Variants in CDIN1 observed in about 807,000 individuals in gnomAD.
The protein encoded by CDIN1 is CDAN1-interacting nuclease 1.
Under a neutral mutation model 45.3 loss-of-function variants are expected in CDIN1, and 33 were observed. That is an observed-to-expected ratio of 0.73 (90% confidence interval 0.55 to 0.97). CDIN1 has a LOEUF of 0.97. CDIN1 is among the 50% of genes least tolerant of loss of function. The pLI, the probability that CDIN1 is intolerant of heterozygous loss-of-function variation, is 0.00. For synonymous variants in CDIN1, 118 were observed against 124.4 expected (o/e 0.95, Z 0.34); for missense variants, 303 against 339.4 (o/e 0.89, Z 0.84).
intron 10 of CDIN1, among the ~76,000 whole-genome samples, chr15:36,771,665 C>T (rs934379594): frequency 1.3e-5 from 2 of 152,282 alleles, no homozygotes; most frequent in East Asian, 1.9e-4. Flanking sequence ...GACAGTGGCT[C>T]CCGCCTGTAA....
chr15:36,737,079 A>C (rs2140927889), intron 10 of CDIN1, among the ~76,000 whole-genome samples: 1 of 151,804 alleles, frequency 6.6e-6, no homozygotes, highest in South Asian at 2.1e-4. Flanking sequence ...GAGGCAGAAG[A>C]ATTGCTTGAA....
At chr15:36,663,375 G>A (rs754509848) in intron 5 of CDIN1, among the ~76,000 whole-genome samples, 7 of 152,110 alleles carry the variant, frequency 4.6e-5, no homozygotes, top group Non-Finnish European at 1.0e-4. Flanking sequence ...AGACAGATAC[G>A]GAAGATATCT....
chr15:36,793,476 G>A (rs11632111), intron 10 of CDIN1, among the ~76,000 whole-genome samples: 130,679 of 152,074 alleles, frequency 0.86, 59,694 homozygotes, highest in Non-Finnish European at 1. Context: ...TTCTTCAGCT[G>A]TCCTATCAGA....
chr15:36,747,600 G>A (rs1038209398), intron 10 of CDIN1, among the ~76,000 whole-genome samples: 3 of 152,184 alleles, frequency 2.0e-5, no homozygotes, highest in African/African-American at 7.2e-5. Flanking sequence ...TTTCATGAGT[G>A]AAGAAACCAA....
chr15:36,640,776 A>G (rs1332663752), intron 1 of CDIN1: 1 of 407,448 alleles, frequency 2.5e-6, no homozygotes, highest in Non-Finnish European at 3.3e-6. Flanking sequence ...CACTCTCCCA[A>G]CTCTTTGAGG....
chr15:36,619,174 G>T, intron 1 of CDIN1: 1 of 1,235,010 alleles, frequency 8.1e-7, no homozygotes, highest in Non-Finnish European at 1.2e-6. Flanking sequence ...AAAAATCAGG[G>T]AACAGAGATG....
intron 1 of CDIN1, chr15:36,618,755 C>T (rs1369318182): frequency 1.4e-6 from 1 of 715,894 alleles, no homozygotes; most frequent in Non-Finnish European, 2.5e-6. Flanking sequence ...TTAAGCACAA[C>T]TCAGCCAAAA....
intron 10 of CDIN1, among the ~76,000 whole-genome samples, chr15:36,786,413 G>A (rs1187628965): frequency 6.6e-6 from 1 of 152,066 alleles, no homozygotes; most frequent in Non-Finnish European, 1.5e-5. Flanking sequence ...AATCGTAGTT[G>A]TTTGTTCACT....
At chr15:36,701,046 G>T (rs1212940515) in intron 8 of CDIN1, among the ~76,000 whole-genome samples, 2 of 151,770 alleles carry the variant, frequency 1.3e-5, no homozygotes, top group African/African-American at 2.4e-5. Context: ...TTCCAGCTTG[G>T]GTGACAGAGT....
intron 10 of CDIN1, among the ~76,000 whole-genome samples, chr15:36,801,844 A>G (rs2055059582): frequency 1.3e-5 from 2 of 152,346 alleles, no homozygotes; most frequent in Non-Finnish European, 2.9e-5. Context: ...TTGCTTTTCC[A>G]TCTACTTCCT....
chr15:36,722,643 G>A (rs1173349886), intron 10 of CDIN1, among the ~76,000 whole-genome samples: 2 of 152,120 alleles, frequency 1.3e-5, no homozygotes, highest in Admixed American at 1.3e-4. Flanking sequence ...CCATTTCCAA[G>A]CATCTTCTGA....
At chr15:36,621,192 G>A (rs1199336756) in intron 1 of CDIN1, among the ~76,000 whole-genome samples, 1 of 152,156 alleles carries the variant, frequency 6.6e-6, no homozygotes, top group Middle Eastern at 3.2e-3. Flanking sequence ...ACAATTACGT[G>A]TAAATTGTGA....
chr15:36,796,943 CTT>C (rs1204895060), intron 10 of CDIN1, among the ~76,000 whole-genome samples: 1 of 152,176 alleles, frequency 6.6e-6, no homozygotes, highest in Non-Finnish European at 1.5e-5. Context: ...TATCATGACT[CTT>C]TGAAGAAAAG....
chr15:36,687,885 A>G (rs1052803320), intron 5 of CDIN1, among the ~76,000 whole-genome samples: 1 of 152,166 alleles, frequency 6.6e-6, no homozygotes, highest in South Asian at 2.1e-4. Context: ...AACCATATTA[A>G]TATAAACATC....
At chr15:36,670,556 G>A (rs2041413424) in intron 5 of CDIN1, among the ~76,000 whole-genome samples, 1 of 152,040 alleles carries the variant, frequency 6.6e-6, no homozygotes, top group Admixed American at 6.6e-5. Context: ...CAATATACAG[G>A]TGAATTCCTT....
intron 10 of CDIN1, among the ~76,000 whole-genome samples, chr15:36,803,763 C>A (rs567304532): frequency 1.3e-5 from 2 of 152,250 alleles, no homozygotes; most frequent in South Asian, 4.2e-4. Flanking sequence ...GTTAGTGAAC[C>A]TTGACTGTTC....
At chr15:36,754,809 G>C (rs1482589845) in intron 10 of CDIN1, among the ~76,000 whole-genome samples, 4 of 152,088 alleles carry the variant, frequency 2.6e-5, no homozygotes, top group Non-Finnish European at 4.4e-5. Context: ...CTGAAGTCAA[G>C]CTGCAAAATT....
At chr15:36,720,309 G>T (rs1029124095) in intron 10 of CDIN1, among the ~76,000 whole-genome samples, 1 of 149,744 alleles carries the variant, frequency 6.7e-6, no homozygotes, top group African/African-American at 2.5e-5. Flanking sequence ...TTAAGTTCTA[G>T]GGTACATGTG....
chr15:36,761,408 C>T (rs532190020), intron 10 of CDIN1, among the ~76,000 whole-genome samples: 7 of 152,282 alleles, frequency 4.6e-5, no homozygotes, highest in Non-Finnish European at 1.0e-4. Flanking sequence ...TTCTTTAGGG[C>T]ATTTATCATT....
Sources: gnomAD v4.1 joint callset for allele counts (sites outside exome capture counted in the v4.1 genomes callset) on GRCh38, gnomAD v4.1.1 for gene constraint, MANE v1.5 for transcripts, NCBI Gene and HGNC (gene_info 2026-07-23, HGNC 2026-07-21) for gene names.